EFCAB6: variants seen among roughly 807,000 people sequenced by gnomAD.
The protein encoded by EFCAB6 is EF-hand calcium binding domain 6.
EFCAB6 carries 156 observed loss-of-function variants against 169.8 expected under a neutral mutation model. The observed-to-expected ratio is 0.92, with a 90% confidence interval of 0.81 to 1.05. The LOEUF is 1.05. Ranked by LOEUF, EFCAB6 falls within the 50% of genes least tolerant of loss-of-function variation. The pLI is 0.00. For synonymous variants in EFCAB6, 698 were observed against 676.4 expected, an observed-to-expected ratio of 1.03 and a Z score of -0.50; for missense variants, 1,800 against 1,829.1, an observed-to-expected ratio of 0.98 and a Z score of 0.29.
rs763508530 is a variant in EFCAB6, at chr22:43,576,341, TTA to T, written c.3374_3375del (p.Ile1125LysfsTer10). 6.3e-7 allele frequency: 1 copy of T among 1,596,354 alleles called. No homozygotes were observed. The highest frequency in any genetic ancestry group is 8.5e-7 in the Non-Finnish European group (1 of 1,175,654). On this transcript the variant is annotated frameshift_variant, in exon 26 of 32. Transcript: ENST00000262726. LOFTEE classifies it high-confidence loss of function. ...AAGTTCTGGAGAAAATATTTCCAATTTATATAGGGGGTTAGATGAATTCTTAG... is the reference window on the plus strand; with the variant it reads ...AAGTTCTGGAGAAAATATTTCCAATTTATAGGGGGTTAGATGAATTCTTAG... ...RKLRIHLTPYINWKYFLQNFS... is the reference protein window; with the variant it reads ...RKLRIHLTPYXNWKYFLQNFS...
chr22:43,752,438 A>C (rs1245921274), intron 6 of EFCAB6, among the ~76,000 whole-genome samples: 1 of 152,112 alleles, frequency 6.6e-6, no homozygotes, highest in East Asian at 1.9e-4. Context: ...CCTTTCTAAC[A>C]AAACCCTCTA....
intron 6 of EFCAB6, among the ~76,000 whole-genome samples, chr22:43,749,137 C>T (rs565070963): frequency 2.6e-5 from 4 of 152,162 alleles, no homozygotes; most frequent in East Asian, 1.9e-4. Flanking sequence ...TGACGGCCTG[C>T]ATATGGGAGG....
At chr22:43,658,203 G>T (rs1040710010) in intron 17 of EFCAB6, among the ~76,000 whole-genome samples, 1 of 152,122 alleles carries the variant, frequency 6.6e-6, no homozygotes, top group Non-Finnish European at 1.5e-5. Context: ...CTTCACTCCA[G>T]CCTGGGCGAC....
chr22:43,811,558 C>T (rs2063130780), intron 1 of EFCAB6, among the ~76,000 whole-genome samples: 1 of 152,086 alleles, frequency 6.6e-6, no homozygotes, highest in Non-Finnish European at 1.5e-5. Context: ...AAAGTGCTTC[C>T]AAACAAAATT....
In EFCAB6 at chr22:43,528,832, C is replaced by T; in HGVS notation, c.*21G>A. The T allele has an allele frequency of 6.3e-7, 1 of 1,580,582 alleles. No individual in the cohort carries two copies. ...AACAGGCCCTGTGGCTGTCGTCCCG[C>T]TGGGCACACAGCAGGGGTGTCTACT... On this transcript the variant is annotated 3_prime_UTR_variant, in exon 32 of 32. Transcript: ENST00000262726.
intron 17 of EFCAB6, among the ~76,000 whole-genome samples, chr22:43,646,274 C>T (rs528126024): frequency 1.3e-5 from 2 of 152,292 alleles, no homozygotes; most frequent in East Asian, 3.9e-4. Flanking sequence ...CTCTGCACGC[C>T]TTTATGTTCT....
chr22:43,737,788 C>T (rs1048892253), intron 6 of EFCAB6, among the ~76,000 whole-genome samples: 1 of 150,930 alleles, frequency 6.6e-6, no homozygotes, highest in African/African-American at 2.4e-5. Flanking sequence ...CATATTCATA[C>T]ACACACACAC....
At chr22:43,759,606 T>C (rs142676340) in intron 5 of EFCAB6, 1 of 152,328 alleles carries the variant, frequency 6.6e-6, no homozygotes, top group Non-Finnish European at 1.5e-5. Context: ...TGATGATGTT[T>C]CTACCATTAT....
chr22:43,536,494 C>G (rs1370564748), intron 29 of EFCAB6: 3 of 152,036 alleles, frequency 2.0e-5, no homozygotes, highest in Non-Finnish European at 4.4e-5. Flanking sequence ...GCTAAAAAGC[C>G]AAGGAGTGAC....
At chr22:43,529,525 A>G (rs1256739124) in intron 31 of EFCAB6, among the ~76,000 whole-genome samples, 1 of 152,224 alleles carries the variant, frequency 6.6e-6, no homozygotes, top group Non-Finnish European at 1.5e-5. Context: ...AACATGTCTC[A>G]GCCTCTCTTG....
chr22:43,758,001 A>G (rs1160921143), intron 5 of EFCAB6, among the ~76,000 whole-genome samples: 1 of 152,246 alleles, frequency 6.6e-6, no homozygotes, highest in Non-Finnish European at 1.5e-5. Flanking sequence ...TGTTATCTAG[A>G]CAGACAATCT....
chr22:43,702,202 T>C (rs190227839), intron 10 of EFCAB6, among the ~76,000 whole-genome samples: 68 of 152,346 alleles, frequency 4.5e-4, no homozygotes, highest in Non-Finnish European at 8.2e-4. Context: ...TCACACAATG[T>C]TGATGGCAAT....
chr22:43,609,507 T>C (rs2053160426), intron 21 of EFCAB6, among the ~76,000 whole-genome samples: 1 of 152,154 alleles, frequency 6.6e-6, no homozygotes, highest in Non-Finnish European at 1.5e-5. Context: ...ATCACAGTTT[T>C]TACATATCAG....
At chr22:43,562,421 T>C (rs186776267) in intron 26 of EFCAB6, among the ~76,000 whole-genome samples, 1 of 152,252 alleles carries the variant, frequency 6.6e-6, no homozygotes, top group African/African-American at 2.4e-5. Context: ...AAGTCACAGC[T>C]TCAGAATCTA....
chr22:43,737,032 C>T (rs1180781329), intron 6 of EFCAB6, among the ~76,000 whole-genome samples: 2 of 152,020 alleles, frequency 1.3e-5, no homozygotes, highest in Admixed American at 6.6e-5. Context: ...TCAACACCTT[C>T]GCTGCTTGGC....
intron 17 of EFCAB6, among the ~76,000 whole-genome samples, chr22:43,656,711 G>C (rs2056763552): frequency 1.3e-5 from 2 of 152,100 alleles, no homozygotes; most frequent in Middle Eastern, 6.8e-3. Flanking sequence ...GGAGGCTATA[G>C]CACCTAGGTT....
chr22:43,784,635 A>ATATATATACATATATATGTG (rs754312290), intron 2 of EFCAB6, among the ~76,000 whole-genome samples: 1 of 59,174 alleles, frequency 1.7e-5, no homozygotes, highest in Non-Finnish European at 3.4e-5. Flanking sequence ...ATATATATGT[A>ATATATATACATATATATGTG]TATGTACACA....
rs201442594 is a variant in EFCAB6 at position 43,700,444 on chromosome 22, G to GA, written c.1031+11030dup. Among the ~76,000 whole-genome samples, 637 of 151,448 alleles carry GA rather than the reference G, an allele frequency of 4.2e-3. 3 individuals carry two copies. The highest frequency in any genetic ancestry group is 0.014 in the Middle Eastern group (4 of 292). ...TCTTTCTTGCATTATTTGCTTTTAG[G>GA]AAAAAAAACCCATAGCGTATATTTA... On this transcript the variant is annotated intron_variant, in intron 10 of 31. Transcript: ENST00000262726.
intron 17 of EFCAB6, among the ~76,000 whole-genome samples, chr22:43,656,844 A>G (rs2056770909): frequency 1.4e-5 from 2 of 146,644 alleles, no homozygotes; most frequent in Admixed American, 7.0e-5. Context: ...TGTTGTAACC[A>G]CACTCTAGGA....
Sources: allele counts gnomAD v4.1 joint callset (sites outside exome capture counted in the v4.1 genomes callset), GRCh38; gene constraint gnomAD v4.1.1; transcripts MANE v1.5; gene names NCBI Gene and HGNC (gene_info 2026-07-23, HGNC 2026-07-21).